The following ZSWIM2 variants were observed in gnomAD, a reference collection of about 807,000 sequenced individuals.
ZSWIM2 encodes zinc finger SWIM-type containing 2.
A neutral mutation model predicts 48.4 loss-of-function variants in ZSWIM2; 38 were observed. The observed-to-expected ratio is 0.79, with a 90% CI of 0.61 to 1.03. The LOEUF (loss-of-function observed/expected upper bound fraction) is 1.03, where lower values mean the gene tolerates loss of function less well. ZSWIM2 is among the 50% of genes least tolerant of loss of function. The probability of loss-of-function intolerance (pLI) is 0.00; values close to 1 mark genes in which losing one functional copy is unlikely to be tolerated. For synonymous variants in ZSWIM2, 240 were observed against 251.3 expected (o/e 0.96, Z 0.42); for missense variants, 776 against 730.2 (o/e 1.06, Z -0.72).
intron 3 of ZSWIM2, among the ~76,000 whole-genome samples, chr2:186,841,140 A>G (rs1057240503): frequency 6.6e-6 from 1 of 151,516 alleles, no homozygotes; most frequent in Non-Finnish European, 1.5e-5. Context: ...GGCATTTTAG[A>G]TCTTCCATAA....
At position 186,838,664 on chromosome 2, in the gene ZSWIM2, C is replaced by G. The variant is rs920758729; in HGVS notation, c.494+295G>C. 2.7e-4 allele frequency among the ~76,000 whole-genome samples: 40 copies of G among 147,432 alleles called. 1 individual carries two copies. The highest frequency in any genetic ancestry group is 3.6e-3 in the Middle Eastern group (1 of 274). ...TTAGCTCAAAACATATATATACACA[C>G]ACATATATATGTTGCTTCCTAACAT... On this transcript the variant is annotated intron_variant, in intron 4 of 8. Coordinates refer to ENST00000295131, the MANE Select transcript of ZSWIM2 (RefSeq NM_182521.3).
rs767945669 is a variant in ZSWIM2 at position 186,828,121 on chromosome 2, T to G, written c.1765A>C (p.Ser589Arg). ...CAGTTACTATACCTTTTAGACAAAC[T>G]AAGTTTAGCTGTGCTCCAATTGACA... ...LIVNWSTAKLSLSKRYSNCMG... is the reference protein window; with the variant it reads ...LIVNWSTAKLRLSKRYSNCMG... The change falls in exon 9 of 9, where the codon AGT (serine) becomes CGT (arginine). Residue 589 changes from serine to arginine, a missense_variant. Coordinates refer to ENST00000295131, the MANE Select transcript of ZSWIM2 (RefSeq NM_182521.3). 6.2e-7 allele frequency: 1 copy of G among 1,613,538 alleles called. No homozygotes were observed. The highest frequency in any genetic ancestry group is 1.1e-5 in the South Asian group (1 of 91,062).
chr2:186,829,246 C>G (rs6745065), intron 8 of ZSWIM2, among the ~76,000 whole-genome samples: 27,730 of 151,906 alleles, frequency 0.18, 3,861 homozygotes, highest in African/African-American at 0.4. Context: ...GTTTACTGAA[C>G]CAACTTCATT....
chr2:186,849,089 G>A lies in ZSWIM2; in HGVS notation c.42C>T (p.His14=). Residue 14 remains histidine (H), a synonymous_variant, in exon 1 of 9, where the codon CAC becomes CAT. Coordinates refer to ENST00000295131, the MANE Select transcript of ZSWIM2 (RefSeq NM_182521.3). The part of the protein sequence containing the change: ...RGYKASERRR[H]LSERLSWHQD... ...GGTGCCAGCTGAGCCTCTCGCTCAA[G>A]TGTCTTCGCCTTTCAGAGGCCTTAT... 6.2e-7 allele frequency: 1 copy of A among 1,614,066 alleles called. No individual in the cohort carries two copies. Among genetic ancestry groups the A allele is most frequent in the Non-Finnish European group, 8.5e-7 (1 of 1,179,986 alleles).
intron 7 of ZSWIM2, among the ~76,000 whole-genome samples, chr2:186,831,348 T>G (rs1292787313): frequency 1.3e-5 from 2 of 151,760 alleles, no homozygotes; most frequent in East Asian, 1.9e-4. Context: ...TACATGTGTA[T>G]GTATACGTGT....
chr2:186,840,654 A>G (rs1691887995), intron 3 of ZSWIM2, among the ~76,000 whole-genome samples: 1 of 151,546 alleles, frequency 6.6e-6, no homozygotes, highest in Non-Finnish European at 1.5e-5. Context: ...TACCAAAACA[A>G]CTACACACTG....
At position 186,847,707 on chromosome 2, in the gene ZSWIM2, A is replaced by G. The variant is rs780748548; in HGVS notation, c.242+12T>C. 1.3e-6 allele frequency: 2 copies of G among 1,585,638 alleles called. No homozygotes were observed. Among genetic ancestry groups the G allele is most frequent in the Non-Finnish European group, 1.7e-6 (2 of 1,163,748 alleles). ...TCCTTCATGGAAGATCTTCATTTGA[A>G]AAGTCACTTACCAGCAGATATGCTT... On this transcript the variant is annotated intron_variant, in intron 2 of 8. Transcript: ENST00000295131.
intron 4 of ZSWIM2, among the ~76,000 whole-genome samples, chr2:186,838,650 C>CAT (rs764945869): frequency 8.5e-4 from 126 of 147,438 alleles, no homozygotes; most frequent in Non-Finnish European, 7.5e-4. Flanking sequence ...TAGCTCAAAA[C>CAT]ATATATATAC....
chr2:186,846,827 A>ATATAT (rs57335605), intron 2 of ZSWIM2, among the ~76,000 whole-genome samples: 2 of 142,532 alleles, frequency 1.4e-5, no homozygotes, highest in African/African-American at 5.2e-5. Flanking sequence ...ATATATATAT[A>ATATAT]ATGTAATAGA....
In ZSWIM2 at chr2:186,828,249, T is replaced by C; in HGVS notation, c.1637A>G (p.Lys546Arg). 6.2e-7 allele frequency: 1 copy of C among 1,613,664 alleles called. No individual in the cohort carries two copies. Among genetic ancestry groups the C allele is most frequent in the Non-Finnish European group, 8.5e-7 (1 of 1,179,806 alleles). ...KFHTSLSRMT[K>R]GCKCNNHNLK... ...GTTGTGGTTATTACATTTACAGCCT[T>C]TGGTCATCCGGCTTAGACTAGTGTG... Residue 546 changes from lysine (K) to arginine (R), a missense_variant, in exon 9 of 9, where the codon AAA becomes AGA. Transcript: ENST00000295131.
chr2:186,831,891 G>T (rs1053322247), intron 7 of ZSWIM2, among the ~76,000 whole-genome samples: 9 of 152,054 alleles, frequency 5.9e-5, no homozygotes, highest in Admixed American at 5.9e-4. Flanking sequence ...GGGGGAGGGG[G>T]AAGGGATAGC....
chr2:186,847,840 GAGTT>G, intron 1 of ZSWIM2, 45 bp from the exon 2 acceptor site: 3 of 1,424,560 alleles, frequency 2.1e-6, no homozygotes, highest in Non-Finnish European at 2.0e-6. Flanking sequence ...TAAAATTTGA[GAGTT>G]AGAGCAAAAC....
In ZSWIM2 at chr2:186,848,844, G is replaced by A. The variant is rs543156943; in HGVS notation, c.165+122C>T. ...GGAACACTCGTGGGAAGGCGCTTTC[G>A]GGGGTGAGGCAGCAAGTATCCGCAG... On this transcript the variant is annotated intron_variant, in intron 1 of 8. Coordinates refer to ENST00000295131, the MANE Select transcript of ZSWIM2 (RefSeq NM_182521.3). 3.9e-6 allele frequency: 5 copies of A among 1,288,092 alleles called. No individual in the cohort carries two copies. In the East Asian group the frequency reaches 1.2e-4, roughly 30 times the overall value. 79.8% of individuals were successfully genotyped at this position (1,288,092 alleles called of 1,614,324 possible). A position where few individuals can be genotyped will look rare whatever the true frequency, so the allele number is the denominator to read the frequency against.
intron 3 of ZSWIM2, among the ~76,000 whole-genome samples, chr2:186,839,967 T>A (rs2105820402): frequency 6.6e-6 from 1 of 151,778 alleles, no homozygotes; most frequent in African/African-American, 2.4e-5. Flanking sequence ...TGCCTTCTAT[T>A]GATTTTATGT....
At chr2:186,834,979 C>T (rs1337350175) in intron 5 of ZSWIM2, among the ~76,000 whole-genome samples, 2 of 152,106 alleles carry the variant, frequency 1.3e-5, no homozygotes, top group Admixed American at 6.6e-5. Flanking sequence ...ATTTTGTCTA[C>T]CACATGCCCC....
chr2:186,848,521 C>T (rs1692044982), intron 1 of ZSWIM2, among the ~76,000 whole-genome samples: 1 of 152,140 alleles, frequency 6.6e-6, no homozygotes. Flanking sequence ...GGCCTTCATA[C>T]AGTTTCAGAG....
At chr2:186,832,258 G>A (rs1029131626) in intron 7 of ZSWIM2, among the ~76,000 whole-genome samples, 1 of 151,480 alleles carries the variant, frequency 6.6e-6, no homozygotes, top group Non-Finnish European at 1.5e-5. Context: ...GGGATTACAG[G>A]TATGTGCCAC....
In ZSWIM2 at chr2:186,841,530, A is replaced by G. The variant is rs548825018; in HGVS notation, c.284-2361T>C. ...TAAAAATATTAACACTTCTACTCCAAAACACAGTAAGACTTTAGGCTAAGG... is the reference window on the plus strand; with the variant it reads ...TAAAAATATTAACACTTCTACTCCAGAACACAGTAAGACTTTAGGCTAAGG... On this transcript the variant is annotated intron_variant, in intron 3 of 8. Coordinates refer to ENST00000295131, the MANE Select transcript of ZSWIM2 (RefSeq NM_182521.3). Among the ~76,000 whole-genome samples, 259 of 151,486 alleles carry G rather than the reference A, an allele frequency of 1.7e-3. 1 individual carries two copies. The highest frequency in any genetic ancestry group is 5.6e-3 in the African/African-American group (232 of 41,500).
At chr2:186,842,852 T>C (rs1017148958) in intron 3 of ZSWIM2, among the ~76,000 whole-genome samples, 15 of 151,520 alleles carry the variant, frequency 9.9e-5, no homozygotes, top group African/African-American at 3.6e-4. Flanking sequence ...TGTATAAGTA[T>C]GTAACAATTT....
Sources: allele counts gnomAD v4.1 joint callset (sites outside exome capture counted in the v4.1 genomes callset), GRCh38; gene constraint gnomAD v4.1.1; transcripts MANE v1.5; gene names NCBI Gene and HGNC (gene_info 2026-07-23, HGNC 2026-07-21).